The following GRID1 variants were observed in gnomAD, a reference collection of about 807,000 sequenced individuals.
GRID1 encodes the protein glutamate ionotropic receptor delta type subunit 1, also known as glutamate receptor ionotropic, delta-1.
GRID1 carries 28 observed loss-of-function variants against 98.0 expected under a neutral mutation model. That is an observed-to-expected ratio of 0.29 (90% confidence interval 0.21 to 0.39). The LOEUF is 0.39. Among genes scored for constraint, GRID1 ranks in the 10% least tolerant of loss-of-function variants. The pLI is 1.00. For missense variants in GRID1, 1,111 were observed against 1,340.5 expected (o/e 0.83, Z 2.67); for synonymous variants, 553 against 538.5 (o/e 1.03, Z -0.37).
intron 4 of GRID1, among the ~76,000 whole-genome samples, chr10:86,109,762 A>T (rs901015023): frequency 2.6e-5 from 4 of 152,112 alleles, no homozygotes; most frequent in African/African-American, 9.7e-5. Flanking sequence ...TCTCCAGGTG[A>T]TTCTAACCTG....
rs536977414 is a variant in GRID1, at chr10:86,366,294, C to A, written c.79+20G>T. The A allele has an allele frequency of 2.8e-5, 41 of 1,479,056 alleles. 1 individual carries two copies. In the South Asian group the frequency reaches 4.8e-4, roughly 17 times the overall value. 91.6% of individuals were successfully genotyped at this position (1,479,056 alleles called of 1,614,324 possible). A position where few individuals can be genotyped will look rare whatever the true frequency, so the allele number is the denominator to read the frequency against. On this transcript the variant is annotated intron_variant, in intron 1 of 15. Coordinates refer to ENST00000327946, the MANE Select transcript of GRID1 (RefSeq NM_017551.3). The surrounding 1 kb of genome is among the most constrained non-coding windows in gnomAD (Gnocchi z 4.1). ...TTGGGGCCCCCGCCCAGCCTCGGCC[C>A]GGCCTCCAGCCGCGCTTACCGATGT...
At chr10:85,701,744 C>A (rs1296899146) in intron 12 of GRID1, among the ~76,000 whole-genome samples, 1 of 152,122 alleles carries the variant, frequency 6.6e-6, no homozygotes, top group African/African-American at 2.4e-5. Context: ...AACCAAACAT[C>A]ATATGTTCTC....
At chr10:86,205,998 G>A (rs561533849) in intron 3 of GRID1, among the ~76,000 whole-genome samples, 1 of 152,296 alleles carries the variant, frequency 6.6e-6, no homozygotes, top group South Asian at 2.1e-4. Context: ...ATCGTCCAGT[G>A]TGAAGGGCAC....
At chr10:86,213,646 C>T (rs569903892) in intron 2 of GRID1, among the ~76,000 whole-genome samples, 13 of 152,222 alleles carry the variant, frequency 8.5e-5, no homozygotes, top group African/African-American at 2.9e-4. Context: ...ACATTCCTTG[C>T]ATGTTTGACC....
chr10:86,204,250 G>T (rs1845994578), intron 3 of GRID1, among the ~76,000 whole-genome samples: 1 of 152,142 alleles, frequency 6.6e-6, no homozygotes, highest in African/African-American at 2.4e-5. Context: ...TGTGAAAATG[G>T]CTTGAAAACT....
intron 12 of GRID1, among the ~76,000 whole-genome samples, chr10:85,668,168 CG>C: frequency 6.6e-6 from 1 of 152,330 alleles, no homozygotes; most frequent in Admixed American, 6.5e-5. Flanking sequence ...CAGGGAGGCT[CG>C]GAGAGGGATC....
chr10:85,660,056 T>G (rs1840947788), intron 12 of GRID1, among the ~76,000 whole-genome samples: 1 of 152,182 alleles, frequency 6.6e-6, no homozygotes. Flanking sequence ...TTGGACACCA[T>G]TTCGCTTGTG....
At chr10:86,009,033 T>G (rs1842895628) in intron 4 of GRID1, among the ~76,000 whole-genome samples, 1 of 152,164 alleles carries the variant, frequency 6.6e-6, no homozygotes, top group Non-Finnish European at 1.5e-5. Context: ...TGTAATATTA[T>G]ATAGCATTCA....
At chr10:85,952,733 C>T (rs963795253) in intron 4 of GRID1, among the ~76,000 whole-genome samples, 2 of 152,122 alleles carry the variant, frequency 1.3e-5, no homozygotes, top group Admixed American at 1.3e-4. Context: ...ATGATCCCCC[C>T]CTCCAAACCA....
At chr10:85,724,923 G>A (rs776475710) in intron 10 of GRID1, among the ~76,000 whole-genome samples, 3 of 152,138 alleles carry the variant, frequency 2.0e-5, no homozygotes, top group African/African-American at 7.2e-5. Context: ...GAAAAGAGCC[G>A]AGTAAAGTAT....
intron 8 of GRID1, among the ~76,000 whole-genome samples, chr10:85,838,238 C>A (rs370509280): frequency 1.3e-5 from 2 of 152,202 alleles, no homozygotes; most frequent in East Asian, 3.9e-4. Context: ...TAAATATATT[C>A]CAGGATATCA....
At chr10:86,019,458 C>T (rs981170656) in intron 4 of GRID1, among the ~76,000 whole-genome samples, 1 of 152,248 alleles carries the variant, frequency 6.6e-6, no homozygotes, top group Non-Finnish European at 1.5e-5. Context: ...GGGCATGGGG[C>T]ATTTCCCCTT....
At chr10:86,200,308 T>C (rs1845929328) in intron 3 of GRID1, among the ~76,000 whole-genome samples, 1 of 152,218 alleles carries the variant, frequency 6.6e-6, no homozygotes, top group Non-Finnish European at 1.5e-5. Context: ...AAGCTCTTCC[T>C]AACCACCTTG....
In GRID1 at chr10:85,937,780, TAG is replaced by T. The variant is rs146855338; in HGVS notation, c.727-21543_727-21542del. Among the ~76,000 whole-genome samples the T allele has an allele frequency of 4.1e-3, 621 of 152,210 alleles. 4 individuals are homozygous for T. Among genetic ancestry groups the T allele is most frequent in the African/African-American group, 0.013 (552 of 41,536 alleles). On this transcript the variant is annotated intron_variant, in intron 4 of 15. Coordinates refer to ENST00000327946, the MANE Select transcript of GRID1 (RefSeq NM_017551.3). ...GAGGGGGTCAAGGGTATCAAATGGG[TAG>T]AGGTCAGGAAGGCTGCTAAACATCG...
At chr10:85,961,900 G>A (rs1842272622) in intron 4 of GRID1, among the ~76,000 whole-genome samples, 1 of 151,904 alleles carries the variant, frequency 6.6e-6, no homozygotes, top group Non-Finnish European at 1.5e-5. Flanking sequence ...GAAGGAAAAG[G>A]AGAAAGAACA....
chr10:85,899,329 G>C (rs1490819562), intron 5 of GRID1, among the ~76,000 whole-genome samples: 9 of 152,140 alleles, frequency 5.9e-5, no homozygotes, highest in Non-Finnish European at 1.3e-4. Flanking sequence ...TGGACACTTA[G>C]GTTGATTCCA....
chr10:85,629,750 G>A (rs1044199223), intron 13 of GRID1, among the ~76,000 whole-genome samples: 3 of 152,028 alleles, frequency 2.0e-5, no homozygotes, highest in Admixed American at 6.5e-5. Context: ...GAGATTGCTG[G>A]GTAGTTCTAT....
Position 85,978,553 on chromosome 10 carries a change from G to A in GRID1, c.727-62314C>T, listed in dbSNP as rs1014384556. On this transcript the variant is annotated intron_variant, in intron 4 of 15. Coordinates refer to ENST00000327946, the MANE Select transcript of GRID1 (RefSeq NM_017551.3). ...TCACATTACCAGGAAGGAGGAAGCA[G>A]ACATTCCCTAAATTCTGAAAGAGGT... 4.6e-5 allele frequency among the ~76,000 whole-genome samples: 7 copies of A among 151,978 alleles called. No homozygotes were observed. In the East Asian group the frequency reaches 1.4e-3, roughly 29 times the overall value.
In GRID1 at chr10:85,729,516, G is replaced by T. The variant is rs146469258; in HGVS notation, c.1332C>A (p.Val444=). The part of the protein sequence containing the change: ...LQGLTLKVVT[V]LEEPFVMVAE... ...CAGAATGTCCCCATGATCCTACCAA[G>T]ACAGTCACCACTTTAAGAGTCAATC... The change falls in exon 9 of 16, where the codon GTC becomes GTA. Residue 444 remains valine, a synonymous_variant. Transcript: ENST00000327946. 5 of 1,589,646 alleles carry T rather than the reference G, an allele frequency of 3.1e-6. No individual in the cohort carries two copies. The highest frequency in any genetic ancestry group is 4.3e-6 in the Non-Finnish European group (5 of 1,158,434).
Sources: gnomAD v4.1 joint callset for allele counts (sites outside exome capture counted in the v4.1 genomes callset) on GRCh38, gnomAD v4.1.1 for gene constraint, Gnocchi (gnomAD v3.1) non-coding constraint, MANE v1.5 for transcripts, NCBI Gene and HGNC (gene_info 2026-07-23, HGNC 2026-07-21) for gene names.